Variants in CPNE4 observed in about 807,000 individuals in gnomAD.
The protein encoded by CPNE4 is copine-4.
CPNE4 carries 25 observed loss-of-function variants against 67.9 expected under a neutral mutation model. The ratio of observed to expected loss-of-function variants is 0.37; its 90% CI spans 0.27 to 0.51. CPNE4 has a LOEUF of 0.51. Ranked by LOEUF, CPNE4 falls within the 20% of genes least tolerant of loss-of-function variation. The pLI, the probability that CPNE4 is intolerant of heterozygous loss-of-function variation, is 0.93. For missense variants in CPNE4, 464 were observed against 690.8 expected (o/e 0.67, Z 3.68); for synonymous variants, 242 against 244.9 (o/e 0.99, Z 0.11).
At chr3:131,559,586 T>C (rs1936651132) in intron 11 of CPNE4, among the ~76,000 whole-genome samples, 1 of 152,060 alleles carries the variant, frequency 6.6e-6, no homozygotes, top group Non-Finnish European at 1.5e-5. Context: ...TTGAATCTTT[T>C]CATCTTAGAA....
intron 7 of CPNE4, among the ~76,000 whole-genome samples, chr3:131,657,294 G>A (rs934159196): frequency 6.6e-6 from 1 of 152,028 alleles, no homozygotes; most frequent in Admixed American, 6.6e-5. Context: ...TAAAGAAAAA[G>A]ACTATGTAAA....
intron 14 of CPNE4, among the ~76,000 whole-genome samples, chr3:131,547,546 A>G (rs1379933258): frequency 1.4e-5 from 2 of 147,184 alleles, no homozygotes; most frequent in Non-Finnish European, 3.0e-5. Context: ...AAAAATGAGC[A>G]GAGAGGAGTC....
intron 7 of CPNE4, among the ~76,000 whole-genome samples, chr3:131,590,450 T>C (rs1938459829): frequency 1.3e-5 from 2 of 152,154 alleles, no homozygotes; most frequent in African/African-American, 2.4e-5. Context: ...TATGTGTGGG[T>C]AGGAAATAAA....
intron 7 of CPNE4, among the ~76,000 whole-genome samples, chr3:131,592,458 C>T (rs757017054): frequency 1.3e-5 from 2 of 152,070 alleles, no homozygotes; most frequent in Non-Finnish European, 2.9e-5. Context: ...TTACAATAAC[C>T]ATGACACGAC....
chr3:131,779,856 A>G (rs1237600370), intron 2 of CPNE4, among the ~76,000 whole-genome samples: 1 of 151,760 alleles, frequency 6.6e-6, no homozygotes, highest in Non-Finnish European at 1.5e-5. Context: ...ATTAAACTAA[A>G]GAACTTCTGT....
At chr3:131,552,563 G>A in intron 12 of CPNE4, 72 bp from the exon 13 acceptor site, 1 of 1,273,052 alleles carries the variant, frequency 7.9e-7, no homozygotes, top group Non-Finnish European at 1.1e-6. Flanking sequence ...AGAAGGCACT[G>A]GGGTTTAGAG....
In CPNE4 at chr3:132,028,175, C is replaced by A. The variant is rs549716500; in HGVS notation, c.-2+6392G>T. On this transcript the variant is annotated intron_variant, in intron 1 of 15. Coordinates refer to ENST00000429747, the MANE Select transcript of CPNE4 (RefSeq NM_130808.3). ...AAAGTGCCTGCTGAATGAGATGCCA[C>A]CCCCTCCACTTCTCCCTCAAAATTA... Among the ~76,000 whole-genome samples, 9 of 152,262 alleles carry A rather than the reference C, an allele frequency of 5.9e-5. No individual in the cohort carries two copies. In the East Asian group the frequency reaches 1.5e-3, roughly 26 times the overall value.
At chr3:131,909,014 C>A (rs2088874603) in intron 1 of CPNE4, among the ~76,000 whole-genome samples, 1 of 152,122 alleles carries the variant, frequency 6.6e-6, no homozygotes. Flanking sequence ...CTTTCACTAC[C>A]AACTGAAAAA....
chr3:132,032,264 C>G (rs937786572), intron 1 of CPNE4, among the ~76,000 whole-genome samples: 2 of 152,126 alleles, frequency 1.3e-5, no homozygotes, highest in Non-Finnish European at 2.9e-5. Context: ...GTGCCTTCTC[C>G]CAGTCAAATA....
chr3:131,792,704 C>CGTGTGTATATAT lies in CPNE4; in HGVS notation c.181-69080_181-69079insATATATACACAC, dbSNP rs1560322982. Among the ~76,000 whole-genome samples the CGTGTGTATATAT allele has an allele frequency of 1.9e-4, 14 of 71,892 alleles. 1 individual carries two copies. The highest frequency in any genetic ancestry group is 9.1e-4 in the African/African-American group (14 of 15,358). 47.2% of individuals were successfully genotyped at this position (71,892 alleles called of 152,430 possible). On this transcript the variant is annotated intron_variant, in intron 2 of 15. Coordinates refer to ENST00000429747, the MANE Select transcript of CPNE4 (RefSeq NM_130808.3). ...ACACACGTGTATATATACATATACACACACGTGTATATATGTATATATATA... is the reference window on the plus strand; with the variant it reads ...ACACACGTGTATATATACATATACACGTGTGTATATATACACGTGTATATATGTATATATATA...
At chr3:131,947,059 T>C (rs77971965) in intron 1 of CPNE4, among the ~76,000 whole-genome samples, 6 of 152,342 alleles carry the variant, frequency 3.9e-5, no homozygotes, top group Non-Finnish European at 8.8e-5. Flanking sequence ...CCTACTGGTC[T>C]ATTTATCTAC....
Position 131,946,164 on chromosome 3 carries a change from C to G in CPNE4, c.-1-40720G>C, listed in dbSNP as rs146480876. 2.0e-3 allele frequency among the ~76,000 whole-genome samples: 302 copies of G among 152,260 alleles called. 3 individuals carry two copies. The highest frequency in any genetic ancestry group is 4.1e-4 in the Non-Finnish European group (28 of 68,004). On this transcript the variant is annotated intron_variant, in intron 1 of 15. Transcript: ENST00000429747. ...CTAAGTAAAATCCCTTACCATTAAG[C>G]AGTTTCTCCCCATCCCTCACTTCCC...
intron 2 of CPNE4, among the ~76,000 whole-genome samples, chr3:131,802,113 C>G (rs1409476338): frequency 1.3e-5 from 2 of 152,078 alleles, no homozygotes; most frequent in Non-Finnish European, 2.9e-5. Context: ...GAATCAGGTT[C>G]TGGTCACCTG....
At chr3:131,793,241 C>T (rs1292563130) in intron 2 of CPNE4, among the ~76,000 whole-genome samples, 1 of 151,714 alleles carries the variant, frequency 6.6e-6, no homozygotes, top group African/African-American at 2.4e-5. Flanking sequence ...CACAGTTTTC[C>T]TCATTCTTGC....
chr3:131,646,580 A>C (rs2079671425), intron 7 of CPNE4, among the ~76,000 whole-genome samples: 1 of 152,182 alleles, frequency 6.6e-6, no homozygotes, highest in African/African-American at 2.4e-5. Flanking sequence ...GACATTCTAA[A>C]ATAAAGAGTG....
At chr3:131,987,529 G>A (rs1141432) in intron 1 of CPNE4, among the ~76,000 whole-genome samples, 1 of 151,856 alleles carries the variant, frequency 6.6e-6, no homozygotes, top group Non-Finnish European at 1.5e-5. Flanking sequence ...TGGGATTACA[G>A]GCATGCACCA....
Position 131,742,459 on chromosome 3 carries a change from G to A in CPNE4, c.181-18834C>T, listed in dbSNP as rs774869102. Among the ~76,000 whole-genome samples the A allele has an allele frequency of 3.0e-4, 45 of 152,006 alleles. 2 individuals carry two copies. Among genetic ancestry groups the A allele is most frequent in the Admixed American group, 1.8e-3 (28 of 15,254 alleles). On this transcript the variant is annotated intron_variant, in intron 2 of 15. Transcript: ENST00000429747. ...GACTTCTCAGCTTCCATAGTTGCAC[G>A]GGCCAATTCTTAATAGTAAGTCTTT...
intron 1 of CPNE4, among the ~76,000 whole-genome samples, chr3:132,012,099 A>G (rs2073778864): frequency 6.6e-6 from 1 of 152,182 alleles, no homozygotes; most frequent in African/African-American, 2.4e-5. Context: ...TGTAGCACAA[A>G]AGCAGCCACA....
At chr3:131,865,793 G>A (rs763645201) in intron 2 of CPNE4, among the ~76,000 whole-genome samples, 15 of 152,214 alleles carry the variant, frequency 9.9e-5, no homozygotes, top group African/African-American at 3.6e-4. Context: ...TAGTACATAG[G>A]TATTTATTAA....
Sources: gnomAD v4.1 joint callset for allele counts (sites outside exome capture counted in the v4.1 genomes callset) on GRCh38, gnomAD v4.1.1 for gene constraint, MANE v1.5 for transcripts, NCBI Gene and HGNC (gene_info 2026-07-23, HGNC 2026-07-21) for gene names.